The following THAP7 variants were observed in gnomAD, a reference collection of about 807,000 sequenced individuals.
THAP7 encodes THAP domain containing 7.
Under a neutral mutation model 29.2 loss-of-function variants are expected in THAP7, and 22 were observed. The observed-to-expected ratio is 0.75, with a 90% confidence interval of 0.54 to 1.08. THAP7 has a LOEUF of 1.08. THAP7 is among the 50% of genes least tolerant of loss of function. THAP7 has a pLI of 0.00. For missense variants in THAP7, 448 were observed against 416.2 expected, an observed-to-expected ratio of 1.08 and a Z score of -0.66; for synonymous variants, 208 against 173.4, an observed-to-expected ratio of 1.20 and a Z score of -1.57.
Position 20,999,809 on chromosome 22 carries a change from G to A in THAP7, c.*71C>T, listed in dbSNP as rs1003227580. 2.0e-6 allele frequency: 3 copies of A among 1,511,426 alleles called. No individual in the cohort carries two copies. Among genetic ancestry groups the A allele is most frequent in the African/African-American group, 1.4e-5 (1 of 72,588 alleles). 93.6% of individuals were successfully genotyped at this position (1,511,426 alleles called of 1,614,324 possible). A position where few individuals can be genotyped will look rare whatever the true frequency, so the allele number is the denominator to read the frequency against. On this transcript the variant is annotated 3_prime_UTR_variant, in exon 4 of 4. Coordinates refer to ENST00000215742, the MANE Select transcript of THAP7 (RefSeq NM_030573.3). ...TCCGCTTTATTATGGCACCTGGTGG[G>A]TCTGGTGGGATCTGAGGGAGGAAGA...
Position 20,999,776 on chromosome 22 carries a change from G to A in THAP7, c.*104C>T, listed in dbSNP as rs974027051. 7.3e-6 allele frequency: 10 copies of A among 1,375,954 alleles called. No individual in the cohort carries two copies. The highest frequency in any genetic ancestry group is 2.6e-4 in the Middle Eastern group (1 of 3,908). The allele number at this position is 1,375,954 out of a possible 1,614,324, so 85.2% of individuals were successfully genotyped here. The stretch of plus-strand genomic sequence containing the variant: ...AGCTGAGCCAGACAGCAGGCCCTCC[G>A]TCTAGAATCCGCTTTATTATGGCAC... On this transcript the variant is annotated 3_prime_UTR_variant, in exon 4 of 4. Transcript: ENST00000215742.
rs778969857 is a variant in THAP7 at position 20,999,942 on chromosome 22, G to A, written c.868C>T (p.Arg290Cys). The change falls in exon 4 of 4, where the codon CGC becomes TGC. Residue 290 changes from arginine to cysteine, a missense_variant. Physicochemically the swap from Arg to Cys is radical, Grantham distance 180. Coordinates refer to ENST00000215742, the MANE Select transcript of THAP7 (RefSeq NM_030573.3). ...AREKRAQADA[R>C]QTLKEHVQDF... is the part of the protein sequence containing the mutation. ...TGCACATGCTCCTTCAGAGTCTGGCGGGCATCTGCCTGTGCCCGCTTCTCC... is the reference window on the plus strand; with the variant it reads ...TGCACATGCTCCTTCAGAGTCTGGCAGGCATCTGCCTGTGCCCGCTTCTCC... 3 of 1,612,244 alleles carry A rather than the reference G, an allele frequency of 1.9e-6. No homozygotes were observed. The highest frequency in any genetic ancestry group is 2.5e-6 in the Non-Finnish European group (3 of 1,179,990).
rs1017526015 is a variant in THAP7, at chr22:20,999,274, C to T, written c.*606G>A. 3.9e-5 allele frequency: 6 copies of T among 152,330 alleles called. No individual in the cohort carries two copies. Among genetic ancestry groups the T allele is most frequent in the African/African-American group, 1.4e-4 (6 of 41,416 alleles). 9.4% of individuals were successfully genotyped at this position (152,330 alleles called of 1,614,324 possible). The stretch of plus-strand genomic sequence containing the variant: ...ATTTCCAGGGACTAGCTTGTTGGGG[C>T]TTTACTACCTGCTGACATGACCCAG... On this transcript the variant is annotated 3_prime_UTR_variant, in exon 4 of 4. Coordinates refer to ENST00000215742, the MANE Select transcript of THAP7 (RefSeq NM_030573.3).
Position 21,001,975 on chromosome 22 carries a change from T to C in THAP7, c.-64A>G, listed in dbSNP as rs1925203440. The C allele has an allele frequency of 6.8e-7, 1 of 1,466,106 alleles. No individual in the cohort carries two copies. The highest frequency in any genetic ancestry group is 2.3e-5 in the Admixed American group (1 of 44,414). The allele number at this position is 1,466,106 out of a possible 1,614,324, so 90.8% of individuals were successfully genotyped here. A position where few individuals can be genotyped will look rare whatever the true frequency, so the allele number is the denominator to read the frequency against. Reference sequence around the variant, plus strand: ...CGGGCATCCGGAGGAGCCTCGCGCCTCCAGCCGCCGCTCCTCCCCAAGGGG... The same window carrying C: ...CGGGCATCCGGAGGAGCCTCGCGCCCCCAGCCGCCGCTCCTCCCCAAGGGG... On this transcript the variant is annotated 5_prime_UTR_variant, in exon 1 of 4. Coordinates refer to ENST00000215742, the MANE Select transcript of THAP7 (RefSeq NM_030573.3).
intron 1 of THAP7, 102 bp from the exon 2 acceptor site, chr22:21,001,513 C>G: frequency 6.7e-7 from 1 of 1,491,648 alleles, no homozygotes; most frequent in Non-Finnish European, 8.9e-7. Context: ...CGCGCCGCCA[C>G]GAGACCTCCC....
At position 20,999,429 on chromosome 22, in the gene THAP7, C is replaced by CTT. The variant is rs1343027037; in HGVS notation, c.*449_*450dup. On this transcript the variant is annotated 3_prime_UTR_variant, in exon 4 of 4. Coordinates refer to ENST00000215742, the MANE Select transcript of THAP7 (RefSeq NM_030573.3). ...TGGACAGAAGCCTGTCATGCTCCTG[C>CTT]TTGAGAACCGGATCTAGACTGGGTT... is the stretch of plus-strand genomic sequence containing the variant. The CTT allele has an allele frequency of 6.2e-6, 1 of 162,296 alleles. No homozygotes were observed. Among genetic ancestry groups the CTT allele is most frequent in the Non-Finnish European group, 1.4e-5 (1 of 73,940 alleles). 10.1% of individuals were successfully genotyped at this position (162,296 alleles called of 1,614,324 possible).
chr22:21,000,682 G>T lies in THAP7; in HGVS notation c.342C>A (p.Pro114=). ...KTKGHSYPPG[P]AEVSRLRRCR... is the part of the protein sequence containing the mutation. ...ATCGTCTGAGCCGGCTGACTTCAGC[G>T]GGGCCAGGTGGGTAACTGTGTCCTT... The change falls in exon 3 of 4, where the codon CCC becomes CCA. Residue 114 remains proline, a synonymous_variant. Transcript: ENST00000215742. 1 of 1,614,096 alleles carries T rather than the reference G, an allele frequency of 6.2e-7. No homozygotes were observed. Among genetic ancestry groups the T allele is most frequent in the Non-Finnish European group, 8.5e-7 (1 of 1,179,970 alleles).
In THAP7 at chr22:21,001,957, C is replaced by G; in HGVS notation, c.-46G>C. Reference sequence around the variant, plus strand: ...AAGTCGCAAGCGGCTCTCCGGGCATCCGGAGGAGCCTCGCGCCTCCAGCCG... The same window carrying G: ...AAGTCGCAAGCGGCTCTCCGGGCATGCGGAGGAGCCTCGCGCCTCCAGCCG... On this transcript the variant is annotated 5_prime_UTR_variant, in exon 1 of 4. Coordinates refer to ENST00000215742, the MANE Select transcript of THAP7 (RefSeq NM_030573.3). The G allele has an allele frequency of 6.6e-7, 1 of 1,508,370 alleles. No individual in the cohort carries two copies. Among genetic ancestry groups the G allele is most frequent in the South Asian group, 1.3e-5 (1 of 79,242 alleles). The allele number at this position is 1,508,370 out of a possible 1,614,324, so 93.4% of individuals were successfully genotyped here. A position where few individuals can be genotyped will look rare whatever the true frequency, so the allele number is the denominator to read the frequency against.
chr22:20,999,950 G>C lies in THAP7; in HGVS notation c.860C>G (p.Ala287Gly). 1 of 1,612,432 alleles carries C rather than the reference G, an allele frequency of 6.2e-7. No individual in the cohort carries two copies. Reference sequence around the variant, plus strand: ...CTCCTTCAGAGTCTGGCGGGCATCTGCCTGTGCCCGCTTCTCCCGTGCCCG... The same window carrying C: ...CTCCTTCAGAGTCTGGCGGGCATCTCCCTGTGCCCGCTTCTCCCGTGCCCG... Reference protein sequence around the residue: ...QERAREKRAQADARQTLKEHV... With the variant: ...QERAREKRAQGDARQTLKEHV... The change falls in exon 4 of 4, where the codon GCA becomes GGA. Residue 287 changes from alanine (A) to glycine (G), a missense_variant. Transcript: ENST00000215742.
Position 20,999,674 on chromosome 22 carries a change from G to A in THAP7, c.*206C>T. Reference sequence around the variant, plus strand: ...GGCTCCCTGTTCTCCTTGGCAAAGAGCTTGGACTGAGCCCTCTAGGAGCTG... The same window carrying A: ...GGCTCCCTGTTCTCCTTGGCAAAGAACTTGGACTGAGCCCTCTAGGAGCTG... On this transcript the variant is annotated 3_prime_UTR_variant, in exon 4 of 4. Transcript: ENST00000215742. The A allele has an allele frequency of 3.2e-6, 2 of 621,450 alleles. No homozygotes were observed. Among genetic ancestry groups the A allele is most frequent in the Non-Finnish European group, 2.8e-6 (1 of 360,456 alleles). 38.5% of individuals were successfully genotyped at this position (621,450 alleles called of 1,614,324 possible).
At chr22:21,001,162 G>T in intron 2 of THAP7, 94 bp downstream of exon 2, 1 of 1,525,070 alleles carries the variant, frequency 6.6e-7, no homozygotes. Flanking sequence ...CCCCTTGGAC[G>T]CAGGCTGCTC....
Position 21,000,734 on chromosome 22 carries a change from GAGAA to G in THAP7, c.286_289del (p.Phe96ProfsTer174), listed in dbSNP as rs1925117244. ...GGTCTTGGTTGTCCGGCGCAACTTGGAGAAAGACTCAAATATGGTGGGGACTGCC... is the reference window on the plus strand; with the variant it reads ...GGTCTTGGTTGTCCGGCGCAACTTGGAGACTCAAATATGGTGGGGACTGCC... On this transcript the variant is annotated frameshift_variant, in exon 3 of 4. Transcript: ENST00000215742. LOFTEE classifies it high-confidence loss of function. 6.2e-7 allele frequency: 1 copy of G among 1,614,086 alleles called. No individual in the cohort carries two copies. The highest frequency in any genetic ancestry group is 1.7e-5 in the Admixed American group (1 of 60,012).
At position 21,000,334 on chromosome 22, in the gene THAP7, A is replaced by G. The variant is rs1293346744; in HGVS notation, c.476T>C (p.Leu159Ser). Residue 159 changes from leucine to serine, a missense_variant, in exon 4 of 4, where the codon TTG (leucine) becomes TCG (serine). By Grantham distance (145) the Leu-to-Ser change is moderately radical. Transcript: ENST00000215742. ...CAGCCTCCCAGCTGGGGAGGCCGGCAAAGTGGCAGGTGCTGAGGCCTCTTC... is the reference window on the plus strand; with the variant it reads ...CAGCCTCCCAGCTGGGGAGGCCGGCGAAGTGGCAGGTGCTGAGGCCTCTTC... ...PVEEASAPATLPASPAGRLEP... is the reference protein window; with the variant it reads ...PVEEASAPATSPASPAGRLEP... The G allele has an allele frequency of 6.4e-7, 1 of 1,555,308 alleles. No individual in the cohort carries two copies. Among genetic ancestry groups the G allele is most frequent in the East Asian group, 2.4e-5 (1 of 41,552 alleles).
Position 21,000,348 on chromosome 22 carries a change from T to A in THAP7, c.462A>T (p.Ser154=). The A allele has an allele frequency of 9.0e-6, 14 of 1,552,934 alleles. No homozygotes were observed. Among genetic ancestry groups the A allele is most frequent in the Non-Finnish European group, 1.2e-5 (14 of 1,148,190 alleles). Reference sequence around the variant, plus strand: ...GGGAGGCCGGCAAAGTGGCAGGTGCTGAGGCCTCTTCCACAGGAAAGCAGG... The same window carrying A: ...GGGAGGCCGGCAAAGTGGCAGGTGCAGAGGCCTCTTCCACAGGAAAGCAGG... ...DVTCFPVEEA[S]APATLPASPA... Residue 154 remains serine, a synonymous_variant, in exon 4 of 4, where the codon TCA becomes TCT. Coordinates refer to ENST00000215742, the MANE Select transcript of THAP7 (RefSeq NM_030573.3).
chr22:21,000,839 G>A, intron 2 of THAP7, 52 bp from the exon 3 acceptor site: 2 of 1,609,418 alleles, frequency 1.2e-6, no homozygotes, highest in Admixed American at 1.7e-5. Flanking sequence ...TGCCTCCCCA[G>A]GCCAATCTGC....
rs1925213731 is a variant in THAP7 at position 21,002,085 on chromosome 22, C to A, written c.-174G>T. On this transcript the variant is annotated 5_prime_UTR_variant, in exon 1 of 4. Transcript: ENST00000215742. ...TCTTGACTTCTGTCAGCGGCACTCA[C>A]GCTCTGGCCATTGCTGCGCCGCCGA... is the stretch of plus-strand genomic sequence containing the variant. 1 of 616,328 alleles carries A rather than the reference C, an allele frequency of 1.6e-6. No individual in the cohort carries two copies. Among genetic ancestry groups the A allele is most frequent in the East Asian group, 3.2e-5 (1 of 31,048 alleles). 38.2% of individuals were successfully genotyped at this position (616,328 alleles called of 1,614,324 possible). A position where few individuals can be genotyped will look rare whatever the true frequency, so the allele number is the denominator to read the frequency against.
In THAP7 at chr22:20,999,895, G is replaced by A. The variant is rs780964661; in HGVS notation, c.915C>T (p.Ser305=). ...CAGCAGCCCCTCAGGCCATGCTGCTGCTCAGCTGCATGGCAAAGTCCTGCA... is the reference window on the plus strand; with the variant it reads ...CAGCAGCCCCTCAGGCCATGCTGCTACTCAGCTGCATGGCAAAGTCCTGCA... ...EHVQDFAMQL[S]SSMA is the part of the protein sequence containing the mutation. Residue 305 remains serine (S), a synonymous_variant, in exon 4 of 4, where the codon AGC becomes AGT. Coordinates refer to ENST00000215742, the MANE Select transcript of THAP7 (RefSeq NM_030573.3). 1 of 1,607,744 alleles carries A rather than the reference G, an allele frequency of 6.2e-7. No homozygotes were observed. Among genetic ancestry groups the A allele is most frequent in the South Asian group, 1.1e-5 (1 of 90,980 alleles).
At chr22:21,001,563 C>T in intron 1 of THAP7, 152 bp from the exon 2 acceptor site, 1 of 1,231,814 alleles carries the variant, frequency 8.1e-7, no homozygotes, top group Non-Finnish European at 1.1e-6. Context: ...CGGGCACAGA[C>T]GAGGCAACGG....
chr22:21,001,182 C>G (rs1032209613), intron 2 of THAP7, 74 bp downstream of exon 2: 5 of 1,582,666 alleles, frequency 3.2e-6, no homozygotes, highest in Admixed American at 1.7e-5. Context: ...CAAGGGACTT[C>G]CATGACCTGC....
Sources: gnomAD v4.1 joint callset for allele counts on GRCh38, gnomAD v4.1.1 for gene constraint, MANE v1.5 for transcripts, NCBI Gene and HGNC (gene_info 2026-07-23, HGNC 2026-07-21) for gene names.